Variants in UNC119 observed in about 807,000 individuals in gnomAD.
UNC119 encodes the protein protein unc-119 homolog A.
UNC119 carries 15 observed loss-of-function variants against 22.6 expected under a neutral mutation model. The observed-to-expected ratio is 0.66, with a 90% CI of 0.44 to 1.02. The LOEUF is 1.02. Ranked by LOEUF, UNC119 falls within the 50% of genes least tolerant of loss-of-function variation. The pLI is 0.00. For missense variants in UNC119, 322 were observed against 336.0 expected, an observed-to-expected ratio of 0.96 and a Z score of 0.33; for synonymous variants, 138 against 139.4, an observed-to-expected ratio of 0.99 and a Z score of 0.07.
In UNC119 at chr17:28,549,716, C is replaced by T. The variant is rs191848309; in HGVS notation, c.221-1011G>A. On this transcript the variant is annotated intron_variant, in intron 1 of 4. Transcript: ENST00000335765. ...AAGGGGTAAGGGGAGTCCTCAGGCCCAGGAAGGGAACCAAGAACAGTGGGA... is the reference window on the plus strand; with the variant it reads ...AAGGGGTAAGGGGAGTCCTCAGGCCTAGGAAGGGAACCAAGAACAGTGGGA... The T allele has an allele frequency of 2.6e-5, 4 of 152,658 alleles. No individual in the cohort carries two copies. In the East Asian group the frequency reaches 5.8e-4, roughly 22 times the overall value. 9.5% of individuals were successfully genotyped at this position (152,658 alleles called of 1,614,324 possible). A position where few individuals can be genotyped will look rare whatever the true frequency, so the allele number is the denominator to read the frequency against.
intron 4 of UNC119, 124 bp downstream of exon 4, chr17:28,547,553 G>T (rs1360010737): frequency 6.3e-7 from 1 of 1,596,100 alleles, no homozygotes. Flanking sequence ...TGGGAATGGT[G>T]GCAGACACAG....
Position 28,552,374 on chromosome 17 carries a change from G to GC in UNC119, c.183dup (p.Pro62AlafsTer13). 6.5e-7 allele frequency: 1 copy of GC among 1,545,822 alleles called. No individual in the cohort carries two copies. The highest frequency in any genetic ancestry group is 8.7e-7 in the Non-Finnish European group (1 of 1,152,824). On this transcript the variant is annotated frameshift_variant, in exon 1 of 5. Transcript: ENST00000335765. LOFTEE classifies it high-confidence loss of function. ...CGCTGCAGCCCCAGCACGTCCTCCG[G>GC]CCCGATCGGCTGCTTCCTCTGCAGC...
rs1372225795 is a variant in UNC119, at chr17:28,552,487, C to T, written c.71G>A (p.Ser24Asn). ...TESAPGPSGQ[S>N]VAPIPQPPAE... ...AGGCGGCTGTGGTATGGGGGCCACG[C>T]TCTGGCCCGAGGGCCCCGGAGCGGA... Residue 24 changes from serine to asparagine, a missense_variant, in exon 1 of 5, where the codon AGC becomes AAC. Physicochemically the swap from Ser to Asn is conservative, Grantham distance 46. Transcript: ENST00000335765. 1 of 1,573,570 alleles carries T rather than the reference C, an allele frequency of 6.4e-7. No homozygotes were observed. The highest frequency in any genetic ancestry group is 1.7e-5 in the Admixed American group (1 of 57,704).
Position 28,552,605 on chromosome 17 carries a change from C to T in UNC119, c.-48G>A. The T allele has an allele frequency of 6.9e-7, 1 of 1,452,226 alleles. No individual in the cohort carries two copies. Among genetic ancestry groups the T allele is most frequent in the South Asian group, 1.3e-5 (1 of 76,236 alleles). 90.0% of individuals were successfully genotyped at this position (1,452,226 alleles called of 1,614,324 possible). On this transcript the variant is annotated 5_prime_UTR_variant, in exon 1 of 5. Coordinates refer to ENST00000335765, the MANE Select transcript of UNC119 (RefSeq NM_005148.4). Reference sequence around the variant, plus strand: ...CCTGCTGCTGCCGCCGCTGCCTGCGCCGGCTGGAGCCGGGGGAAGTGGGAG... The same window carrying T: ...CCTGCTGCTGCCGCCGCTGCCTGCGTCGGCTGGAGCCGGGGGAAGTGGGAG...
chr17:28,552,089 G>C, intron 1 of UNC119: 2 of 687,090 alleles, frequency 2.9e-6, no homozygotes, highest in Non-Finnish European at 5.5e-6. Flanking sequence ...AAGGGGACGG[G>C]CCCCTGGAAA....
At chr17:28,550,219 A>G (rs1028148228) in intron 1 of UNC119, 1 of 152,260 alleles carries the variant, frequency 6.6e-6, no homozygotes, top group African/African-American at 2.4e-5. Flanking sequence ...GAAAGTAAGC[A>G]CCAGTATAAA....
chr17:28,548,774 G>A, intron 1 of UNC119, 69 bp from the exon 2 acceptor site: 2 of 1,251,382 alleles, frequency 1.6e-6, no homozygotes. Flanking sequence ...GCTTGTGTGG[G>A]ACCCCAGAGT....
At chr17:28,547,447 G>A (rs928048739) in intron 4 of UNC119, 38 bp from the exon 5 acceptor site, 8 of 1,607,656 alleles carry the variant, frequency 5.0e-6, no homozygotes, top group Non-Finnish European at 4.3e-6. Context: ...CAAAGGTCAG[G>A]AGCTTGAGTC....
chr17:28,547,853 A>G lies in UNC119; in HGVS notation c.438-4T>C. The G allele has an allele frequency of 6.2e-7, 1 of 1,614,074 alleles. No individual in the cohort carries two copies. Among genetic ancestry groups the G allele is most frequent in the Non-Finnish European group, 8.5e-7 (1 of 1,179,956 alleles). On this transcript the variant is annotated splice_polypyrimidine_tract_variant and splice_region_variant and intron_variant, in intron 3 of 4. Transcript: ENST00000335765. ...GTCTCCCACTGTGAACTCCACCCTG[A>G]GCAAGAAAAGGAGGCAGGGCTAAGT... is the stretch of plus-strand genomic sequence containing the variant.
In UNC119 at chr17:28,548,808, G is replaced by A. The variant is rs1041079155; in HGVS notation, c.221-103C>T. ...GTAGCTACCATCTTCTCATCCCTGGGATCACTGCCCTCTGGAAAGAGGGAC... is the reference window on the plus strand; with the variant it reads ...GTAGCTACCATCTTCTCATCCCTGGAATCACTGCCCTCTGGAAAGAGGGAC... On this transcript the variant is annotated intron_variant, in intron 1 of 4. Transcript: ENST00000335765. 5 of 885,452 alleles carry A rather than the reference G, an allele frequency of 5.6e-6. No individual in the cohort carries two copies. In the African/African-American group the frequency reaches 6.6e-5, roughly 12 times the overall value. The allele number at this position is 885,452 out of a possible 1,614,324, so 54.8% of individuals were successfully genotyped here. A position where few individuals can be genotyped will look rare whatever the true frequency, so the allele number is the denominator to read the frequency against.
chr17:28,548,091 G>T lies in UNC119; in HGVS notation c.345C>A (p.Pro115=), dbSNP rs921699249. The T allele has an allele frequency of 1.9e-6, 3 of 1,613,266 alleles. No individual in the cohort carries two copies. In the African/African-American group the frequency reaches 4.0e-5, roughly 22 times the overall value. Residue 115 remains proline (P), a synonymous_variant, in exon 3 of 5, where the codon CCC becomes CCA. Transcript: ENST00000335765. ...IKKPPVSERL[P]INRRDLDPNA... is the part of the protein sequence containing the mutation. ...TGGGGTCCAGGTCCCGCCGGTTGATGGGCAACCGTTCTGCAATGTACCCCA... is the reference window on the plus strand; with the variant it reads ...TGGGGTCCAGGTCCCGCCGGTTGATTGGCAACCGTTCTGCAATGTACCCCA...
intron 1 of UNC119, 118 bp downstream of exon 1, chr17:28,552,220 C>T: frequency 1.1e-6 from 1 of 886,506 alleles, no homozygotes; most frequent in Admixed American, 3.0e-5. Context: ...GGAGAGGGGA[C>T]TCGGTGGGGG....
At chr17:28,547,546 G>T (rs868234178) in intron 4 of UNC119, 131 bp downstream of exon 4, 2 of 1,592,808 alleles carry the variant, frequency 1.3e-6, no homozygotes, top group East Asian at 4.6e-5. Context: ...GATGATATGG[G>T]AATGGTGGCA....
chr17:28,552,292 C>G (rs2070282374), intron 1 of UNC119, 46 bp downstream of exon 1: 1 of 1,518,080 alleles, frequency 6.6e-7, no homozygotes, highest in South Asian at 1.2e-5. Context: ...CCCTCGCACC[C>G]TCTCCCCTTC....
chr17:28,552,263 C>G, intron 1 of UNC119, 75 bp downstream of exon 1: 1 of 1,414,748 alleles, frequency 7.1e-7, no homozygotes, highest in Admixed American at 2.1e-5. Flanking sequence ...GGGGCCAGGG[C>G]TTGGCGCGCC....
At chr17:28,547,459 C>A (rs374100746) in intron 4 of UNC119, 50 bp from the exon 5 acceptor site, 2 of 1,607,972 alleles carry the variant, frequency 1.2e-6, no homozygotes, top group East Asian at 2.2e-5. Context: ...GCTTGAGTCC[C>A]GCCACTGCAG....
At chr17:28,549,858 A>C (rs1224906520) in intron 1 of UNC119, 3 of 152,166 alleles carry the variant, frequency 2.0e-5, no homozygotes, top group African/African-American at 4.8e-5. Context: ...TGAGAGGTGC[A>C]GGGAGGGACT....
Position 28,552,485 on chromosome 17 carries a change from C to T in UNC119, c.73G>A (p.Val25Met). The T allele has an allele frequency of 6.4e-7, 1 of 1,573,070 alleles. No homozygotes were observed. ...GCAGGCGGCTGTGGTATGGGGGCCA[C>T]GCTCTGGCCCGAGGGCCCCGGAGCG... ...ESAPGPSGQSVAPIPQPPAES... is the reference protein window; with the variant it reads ...ESAPGPSGQSMAPIPQPPAES... The change falls in exon 1 of 5, where the codon GTG (valine) becomes ATG (methionine). Residue 25 changes from valine to methionine, a missense_variant. Coordinates refer to ENST00000335765, the MANE Select transcript of UNC119 (RefSeq NM_005148.4).
chr17:28,552,371 C>A lies in UNC119; in HGVS notation c.187G>T (p.Glu63Ter), dbSNP rs1353315880. The A allele has an allele frequency of 8.4e-6, 13 of 1,544,270 alleles. No homozygotes were observed. The highest frequency in any genetic ancestry group is 1.1e-5 in the Non-Finnish European group (13 of 1,152,008). ...PLQRKQPIGP[E>*]DVLGLQRITG... ...ATCCGCTGCAGCCCCAGCACGTCCT[C>A]CGGCCCGATCGGCTGCTTCCTCTGC... is the stretch of plus-strand genomic sequence containing the variant. Residue 63 changes from glutamate (E) to a stop codon, truncating the protein, a stop_gained, in exon 1 of 5, where the codon GAG becomes TAG. Transcript: ENST00000335765. LOFTEE classifies it high-confidence loss of function.
Sources: gnomAD v4.1 joint callset for allele counts on GRCh38, gnomAD v4.1.1 for gene constraint, MANE v1.5 for transcripts, NCBI Gene and HGNC (gene_info 2026-07-23, HGNC 2026-07-21) for gene names.